The following TSPAN15 variants were observed in gnomAD, a reference collection of about 807,000 sequenced individuals.
The protein encoded by TSPAN15 is tetraspanin 15.
A neutral mutation model predicts 34.5 loss-of-function variants in TSPAN15; 20 were observed. The observed-to-expected ratio is 0.58, with a 90% CI of 0.41 to 0.84. The LOEUF is 0.84. TSPAN15 is among the 40% of genes least tolerant of loss of function. The pLI is 0.00. For missense variants in TSPAN15, 313 were observed against 386.1 expected (o/e 0.81, Z 1.59); for synonymous variants, 155 against 153.9 (o/e 1.01, Z -0.05).
chr10:69,500,739 A>T (rs978157854), intron 5 of TSPAN15, among the ~76,000 whole-genome samples: 15 of 152,192 alleles, frequency 9.9e-5, no homozygotes, highest in African/African-American at 3.6e-4. Flanking sequence ...TGATTTAAAC[A>T]TTAGCCTCAT....
intron 5 of TSPAN15, among the ~76,000 whole-genome samples, chr10:69,498,847 G>C (rs554885954): frequency 6.6e-6 from 1 of 152,204 alleles, no homozygotes; most frequent in Non-Finnish European, 1.5e-5. Flanking sequence ...AACTGTGCAG[G>C]CCAGGTGAGG....
rs552875926 is a variant in TSPAN15, at chr10:69,494,903, C to T, written c.358-691C>T. ...TGCTTCTGGGTCTCAGCACAACAGC[C>T]GGGCTGTTGATCCAGAAAGCGCAGC... On this transcript the variant is annotated intron_variant, in intron 3 of 7. Coordinates refer to ENST00000373290, the MANE Select transcript of TSPAN15 (RefSeq NM_012339.5). The T allele has an allele frequency of 4.8e-5, 47 of 977,680 alleles. No homozygotes were observed. The South Asian group carries it at 7.1e-4, about 15-fold the overall frequency. The allele number at this position is 977,680 out of a possible 1,614,324, so 60.6% of individuals were successfully genotyped here. A position where few individuals can be genotyped will look rare whatever the true frequency, so the allele number is the denominator to read the frequency against.
chr10:69,459,449 T>A (rs1456655670), intron 1 of TSPAN15, among the ~76,000 whole-genome samples: 1 of 152,042 alleles, frequency 6.6e-6, no homozygotes, highest in Non-Finnish European at 1.5e-5. Context: ...CCACTTTCGA[T>A]GATGTGGTCA....
chr10:69,486,963 G>T (rs1487219313), intron 3 of TSPAN15, among the ~76,000 whole-genome samples: 2 of 152,146 alleles, frequency 1.3e-5, no homozygotes, highest in Non-Finnish European at 2.9e-5. Context: ...TGAGCTGGCA[G>T]ATCCAGCATG....
At chr10:69,491,883 C>G (rs1223104407) in intron 3 of TSPAN15, among the ~76,000 whole-genome samples, 1 of 152,130 alleles carries the variant, frequency 6.6e-6, no homozygotes, top group Non-Finnish European at 1.5e-5. Context: ...CCTCTGTCCT[C>G]TGTGTTGGAG....
At position 69,506,317 on chromosome 10, in the gene TSPAN15, G is replaced by A. The variant is rs1020195499; in HGVS notation, c.735+77G>A. On this transcript the variant is annotated intron_variant, in intron 7 of 7. Transcript: ENST00000373290. This position sits in a 1 kb window ranked among gnomAD's most constrained non-coding sequence, Gnocchi z 4.7. ...CAGAGAAGGTGCAGAGGGGAAGAGC[G>A]AAGAGGCTTTTTTCATAGAAGTCCA... 1.4e-6 allele frequency: 2 copies of A among 1,412,268 alleles called. No homozygotes were observed. Among genetic ancestry groups the A allele is most frequent in the South Asian group, 1.2e-5 (1 of 83,888 alleles). 87.5% of individuals were successfully genotyped at this position (1,412,268 alleles called of 1,614,324 possible).
chr10:69,511,550 G>A (rs1264920011), downstream of TSPAN15, among the ~76,000 whole-genome samples: 4 of 151,988 alleles, frequency 2.6e-5, no homozygotes, highest in Middle Eastern at 0.014. Context: ...TTTTTTGAAG[G>A]GTTTTTGTGT....
chr10:69,476,855 A>G (rs1185969511), intron 1 of TSPAN15, among the ~76,000 whole-genome samples: 1 of 151,952 alleles, frequency 6.6e-6, no homozygotes, highest in African/African-American at 2.4e-5. Flanking sequence ...AGTGGGATGG[A>G]GGTTCAGTGT....
At chr10:69,529,815 A>C in the TSPAN15 span, among the ~76,000 whole-genome samples, 3,563 of 146,996 alleles carry the variant, frequency 0.024, 329 homozygotes, top group African/African-American at 0.081. Flanking sequence ...ACTGTACCCA[A>C]TGTGTAGTCT....
chr10:69,499,871 G>A (rs996702430), intron 5 of TSPAN15, among the ~76,000 whole-genome samples: 1 of 152,162 alleles, frequency 6.6e-6, no homozygotes, highest in African/African-American at 2.4e-5. Context: ...ACCCCAGGGC[G>A]TTTGAGAAAT....
At chr10:69,519,867 G>C in the TSPAN15 span, among the ~76,000 whole-genome samples, 1 of 152,044 alleles carries the variant, frequency 6.6e-6, no homozygotes, top group African/African-American at 2.4e-5. Context: ...CGAGTAGCTG[G>C]GATTACAGGC....
chr10:69,467,670 AC>A (rs35253278), intron 1 of TSPAN15, among the ~76,000 whole-genome samples: 34,030 of 133,796 alleles, frequency 0.25, 4,527 homozygotes, highest in Non-Finnish European at 0.35. Flanking sequence ...ACACACACAC[AC>A]ACACCTCTTC....
At chr10:69,539,204 A>G in the TSPAN15 span, among the ~76,000 whole-genome samples, 1 of 151,946 alleles carries the variant, frequency 6.6e-6, no homozygotes, top group Non-Finnish European at 1.5e-5. Flanking sequence ...AGCTATGAGG[A>G]CACAAAGGCA....
At chr10:69,504,143 C>T (rs1371222034) in intron 5 of TSPAN15, among the ~76,000 whole-genome samples, 2 of 152,096 alleles carry the variant, frequency 1.3e-5, no homozygotes, top group African/African-American at 4.8e-5. Context: ...AGCCCGGGAG[C>T]GTGGGCAGCA....
At chr10:69,478,408 C>G (rs954744336) in intron 1 of TSPAN15, among the ~76,000 whole-genome samples, 1 of 152,174 alleles carries the variant, frequency 6.6e-6, no homozygotes, top group African/African-American at 2.4e-5. Context: ...ACACGGAGCC[C>G]TGGACCTCAA....
At chr10:69,539,536 A>G in the TSPAN15 span, among the ~76,000 whole-genome samples, 5 of 71,512 alleles carry the variant, frequency 7.0e-5, no homozygotes, top group South Asian at 1.4e-3. Context: ...GAAGAAGAAG[A>G]AGGAGAAGGA....
At chr10:69,499,889 G>A (rs1464490393) in intron 5 of TSPAN15, among the ~76,000 whole-genome samples, 1 of 152,202 alleles carries the variant, frequency 6.6e-6, no homozygotes, top group Non-Finnish European at 1.5e-5. Flanking sequence ...AATGCACAGA[G>A]TGGCTGGAGC....
the TSPAN15 span, among the ~76,000 whole-genome samples, chr10:69,523,916 C>T: frequency 6.8e-6 from 1 of 147,092 alleles, no homozygotes; most frequent in Non-Finnish European, 1.5e-5. Flanking sequence ...TTAGACTTGT[C>T]AAAGGAAAGG....
At chr10:69,473,270 G>A (rs1841543863) in intron 1 of TSPAN15, among the ~76,000 whole-genome samples, 1 of 152,196 alleles carries the variant, frequency 6.6e-6, no homozygotes. Flanking sequence ...AGCGATGGGA[G>A]GAGGGCTTTG....
Sources: gnomAD v4.1 joint callset for allele counts (sites outside exome capture counted in the v4.1 genomes callset) on GRCh38, gnomAD v4.1.1 for gene constraint, Gnocchi (gnomAD v3.1) non-coding constraint, MANE v1.5 for transcripts, NCBI Gene and HGNC (gene_info 2026-07-23, HGNC 2026-07-21) for gene names.